Variants in PDE1C observed in about 807,000 individuals in gnomAD.
The protein encoded by PDE1C is phosphodiesterase 1C.
PDE1C carries 62 observed loss-of-function variants against 93.1 expected under a neutral mutation model. The observed-to-expected ratio is 0.67, with a 90% CI of 0.54 to 0.82. The LOEUF is 0.82. Among genes scored for constraint, PDE1C ranks in the 40% least tolerant of loss-of-function variants. The pLI is 0.00. For synonymous variants in PDE1C, 325 were observed against 310.1 expected, an observed-to-expected ratio of 1.05 and a Z score of -0.50; for missense variants, 742 against 884.6, an observed-to-expected ratio of 0.84 and a Z score of 2.04.
chr7:32,357,772 C>A (rs1784060429), intron 1 of PDE1C, among the ~76,000 whole-genome samples: 1 of 152,162 alleles, frequency 6.6e-6, no homozygotes, highest in South Asian at 2.1e-4. Context: ...ACGTAAATCA[C>A]TGGAGCCTGC....
chr7:32,128,826 GGGAA>G (rs1364745749), intron 3 of PDE1C, among the ~76,000 whole-genome samples: 2 of 147,268 alleles, frequency 1.4e-5, no homozygotes, highest in African/African-American at 5.0e-5. Flanking sequence ...GTGTTGCAGG[GGGAA>G]GCTTGCCATT....
rs190909532 is a variant in PDE1C, at chr7:32,340,524, G to A, written c.310+87298C>T. Reference sequence around the variant, plus strand: ...TTTGTGAAGACTTTGAAACACACGCGAAGGAATTTGTATCTTATTGTAAGG... The same window carrying A: ...TTTGTGAAGACTTTGAAACACACGCAAAGGAATTTGTATCTTATTGTAAGG... On this transcript the variant is annotated intron_variant, in intron 1 of 1. Transcript: ENST00000672256. Among the ~76,000 whole-genome samples the A allele has an allele frequency of 1.1e-3, 174 of 152,292 alleles. 2 individuals are homozygous for A. Among genetic ancestry groups the A allele is most frequent in the Admixed American group, 1.8e-3 (28 of 15,302 alleles).
At chr7:32,357,660 C>G (rs1001407310) in intron 1 of PDE1C, among the ~76,000 whole-genome samples, 1 of 151,636 alleles carries the variant, frequency 6.6e-6, no homozygotes, top group Non-Finnish European at 1.5e-5. Context: ...TGTAACAAGC[C>G]CCCGTTCTGT....
the PDE1C span, chr7:31,695,443 A>G: frequency 2.9e-5 from 46 of 1,577,870 alleles, no homozygotes; most frequent in Non-Finnish European, 3.9e-5. Flanking sequence ...TATATTCTTT[A>G]TTTCTTTGTA....
At chr7:31,894,845 TG>T (rs1799078184) in intron 2 of PDE1C, among the ~76,000 whole-genome samples, 1 of 151,926 alleles carries the variant, frequency 6.6e-6, no homozygotes, top group African/African-American at 2.4e-5. Context: ...CAGGGAGCAG[TG>T]GAAAGAGGAA....
intron 2 of PDE1C, among the ~76,000 whole-genome samples, chr7:31,883,981 G>T (rs1797573709): frequency 6.6e-6 from 1 of 152,158 alleles, no homozygotes; most frequent in Non-Finnish European, 1.5e-5. Flanking sequence ...CTAGCCAAGT[G>T]GTTTCAACAG....
At chr7:32,226,339 G>T (rs1002296402) in intron 1 of PDE1C, among the ~76,000 whole-genome samples, 3 of 152,124 alleles carry the variant, frequency 2.0e-5, no homozygotes, top group Non-Finnish European at 4.4e-5. Context: ...ACTATAAGGA[G>T]ATGAGGGCCT....
At chr7:32,034,063 TG>T (rs1563225547) in intron 2 of PDE1C, among the ~76,000 whole-genome samples, 24 of 150,956 alleles carry the variant, frequency 1.6e-4, no homozygotes, top group Non-Finnish European at 3.2e-4. Flanking sequence ...ACTGTGTGTG[TG>T]TGTGTGTGTG....
intron 7 of PDE1C, among the ~76,000 whole-genome samples, chr7:31,853,197 A>T (rs1006724835): frequency 6.6e-6 from 1 of 152,208 alleles, no homozygotes; most frequent in Non-Finnish European, 1.5e-5. Flanking sequence ...AAAACAATGA[A>T]TGGTTAAACA....
chr7:32,410,487 T>C (rs1299969744), intron 1 of PDE1C, among the ~76,000 whole-genome samples: 1 of 152,054 alleles, frequency 6.6e-6, no homozygotes, highest in Non-Finnish European at 1.5e-5. Context: ...TGAGCTGAAC[T>C]AGCTTCAACA....
At chr7:31,908,767 T>G (rs926391104) in intron 2 of PDE1C, among the ~76,000 whole-genome samples, 1 of 152,140 alleles carries the variant, frequency 6.6e-6, no homozygotes, top group Non-Finnish European at 1.5e-5. Context: ...CTTGGCTAGG[T>G]TATATGTCCA....
At chr7:32,181,839 C>CA (rs1562555258) in intron 2 of PDE1C, among the ~76,000 whole-genome samples, 1 of 152,092 alleles carries the variant, frequency 6.6e-6, no homozygotes, top group African/African-American at 2.4e-5. Flanking sequence ...AAAAATCCTT[C>CA]AAAAAATCAA....
At chr7:31,673,619 T>C in the PDE1C span, among the ~76,000 whole-genome samples, 5 of 152,304 alleles carry the variant, frequency 3.3e-5, no homozygotes, top group South Asian at 4.1e-4. Flanking sequence ...TATTCACCTA[T>C]ATTTTCTTGT....
Position 32,416,078 on chromosome 7 carries a change from A to G in PDE1C, c.310+11744T>C, listed in dbSNP as rs576522363. Among the ~76,000 whole-genome samples, 23 of 152,254 alleles carry G rather than the reference A, an allele frequency of 1.5e-4. No homozygotes were observed. The South Asian group carries it at 4.8e-3, about 32-fold the overall frequency. Reference sequence around the variant, plus strand: ...CCCGCCTCCCCCAGGCAGCCTTCAGATGTGATGTGACTTGACATGCCTGCC... The same window carrying G: ...CCCGCCTCCCCCAGGCAGCCTTCAGGTGTGATGTGACTTGACATGCCTGCC... On this transcript the variant is annotated intron_variant, in intron 1 of 1. Coordinates refer to the PDE1C transcript ENST00000672256.
chr7:31,642,331 A>G, the PDE1C span: 15 of 1,017,856 alleles, frequency 1.5e-5, no homozygotes, highest in African/African-American at 2.3e-4. Flanking sequence ...CCAGGCTGCC[A>G]CCCAAACCTC....
chr7:32,222,230 G>A (rs775885118), intron 1 of PDE1C, among the ~76,000 whole-genome samples: 9 of 152,116 alleles, frequency 5.9e-5, no homozygotes, highest in African/African-American at 1.2e-4. Flanking sequence ...ATAAATCATC[G>A]CATCGTTACC....
the PDE1C span, among the ~76,000 whole-genome samples, chr7:31,637,171 A>G: frequency 5.3e-5 from 8 of 151,928 alleles, no homozygotes; most frequent in South Asian, 2.1e-4. Context: ...AGTCTTTGCT[A>G]TTGTGAATAG....
At chr7:31,779,504 T>G (rs1562776539) in intron 16 of PDE1C, among the ~76,000 whole-genome samples, 1 of 152,172 alleles carries the variant, frequency 6.6e-6, no homozygotes, top group Non-Finnish European at 1.5e-5. Context: ...GTAAGGGAAC[T>G]CTGGGAACCT....
chr7:32,336,746 T>C (rs781378303), intron 1 of PDE1C, among the ~76,000 whole-genome samples: 25 of 152,166 alleles, frequency 1.6e-4, no homozygotes, highest in Non-Finnish European at 2.1e-4. Context: ...TTCAAATAAC[T>C]CATAACCTTT....
Sources: allele counts gnomAD v4.1 joint callset (sites outside exome capture counted in the v4.1 genomes callset), GRCh38; gene constraint gnomAD v4.1.1; transcripts MANE v1.5; gene names NCBI Gene and HGNC (gene_info 2026-07-23, HGNC 2026-07-21).